Variants in NLGN1 observed in about 807,000 individuals in gnomAD.
NLGN1 encodes the protein neuroligin 1.
Under a neutral mutation model 65.5 loss-of-function variants are expected in NLGN1, and 12 were observed. The ratio of observed to expected loss-of-function variants is 0.18; its 90% CI spans 0.12 to 0.30. NLGN1 has a LOEUF of 0.30. Ranked by LOEUF, NLGN1 falls within the 10% of genes least tolerant of loss-of-function variation. The pLI is 1.00. For synonymous variants in NLGN1, 350 were observed against 359.5 expected (o/e 0.97, Z 0.30); for missense variants, 750 against 1,007.1 (o/e 0.74, Z 3.46).
intron 4 of NLGN1, among the ~76,000 whole-genome samples, chr3:174,036,950 G>T (rs1731268767): frequency 6.6e-6 from 1 of 152,140 alleles, no homozygotes; most frequent in African/African-American, 2.4e-5. Context: ...TTTTATGTCT[G>T]CATAGTATTC....
chr3:173,818,614 G>GA (rs1206590110), intron 4 of NLGN1, among the ~76,000 whole-genome samples: 2 of 152,112 alleles, frequency 1.3e-5, no homozygotes, highest in Non-Finnish European at 2.9e-5. Flanking sequence ...AATACACAGG[G>GA]AAAATATCCC....
chr3:174,022,382 T>A (rs1189278745), intron 4 of NLGN1, among the ~76,000 whole-genome samples: 1 of 152,150 alleles, frequency 6.6e-6, no homozygotes, highest in African/African-American at 2.4e-5. Context: ...ATCTTGGCTC[T>A]TGGTAATGAG....
intron 2 of NLGN1, among the ~76,000 whole-genome samples, chr3:173,581,824 A>C (rs1464163957): frequency 6.6e-6 from 1 of 152,010 alleles, no homozygotes; most frequent in Non-Finnish European, 1.5e-5. Context: ...TTTTAATAAA[A>C]TATTTAAAGC....
At chr3:173,959,496 C>T (rs1429817311) in intron 4 of NLGN1, among the ~76,000 whole-genome samples, 2 of 152,110 alleles carry the variant, frequency 1.3e-5, no homozygotes, top group African/African-American at 4.8e-5. Flanking sequence ...GCTTCTTGTA[C>T]CCTAACTTTC....
chr3:174,014,527 T>G (rs1027465579), intron 4 of NLGN1, among the ~76,000 whole-genome samples: 4 of 152,226 alleles, frequency 2.6e-5, no homozygotes, highest in Admixed American at 2.0e-4. Context: ...TGCCACATTC[T>G]TCTATTAAAT....
intron 1 of NLGN1, among the ~76,000 whole-genome samples, chr3:173,406,056 A>G (rs932381875): frequency 1.3e-5 from 2 of 152,160 alleles, no homozygotes; most frequent in Admixed American, 1.3e-4. Flanking sequence ...TATCATATAT[A>G]GCTTTAATAT....
chr3:173,813,242 A>G (rs967682264), intron 4 of NLGN1, among the ~76,000 whole-genome samples: 1 of 152,176 alleles, frequency 6.6e-6, no homozygotes, highest in African/African-American at 2.4e-5. Flanking sequence ...ACTCCTGTTT[A>G]TTGAATTGTT....
intron 4 of NLGN1, among the ~76,000 whole-genome samples, chr3:174,156,139 C>A (rs773688366): frequency 2.0e-5 from 3 of 151,874 alleles, no homozygotes; most frequent in Non-Finnish European, 4.4e-5. Flanking sequence ...TATAACATCA[C>A]GCCCTGCTTC....
At chr3:174,193,569 C>T (rs897662909) in intron 4 of NLGN1, among the ~76,000 whole-genome samples, 1 of 152,186 alleles carries the variant, frequency 6.6e-6, no homozygotes, top group Non-Finnish European at 1.5e-5. Context: ...CATTGATCTT[C>T]GTCCTGTGCC....
intron 3 of NLGN1, among the ~76,000 whole-genome samples, chr3:173,632,849 G>GTTTTTTTTTTTTTTTTTTTTTT (rs5854526): frequency 6.0e-5 from 7 of 116,396 alleles, no homozygotes; most frequent in South Asian, 3.0e-4. Context: ...TTTTTTTTTT[G>GTTTTTTTTTTTTTTTTTTTTTT]TTTTTTTTTT....
intron 4 of NLGN1, among the ~76,000 whole-genome samples, chr3:173,939,827 G>A (rs1745694099): frequency 6.6e-6 from 1 of 151,902 alleles, no homozygotes; most frequent in African/African-American, 2.4e-5. Context: ...CCTCGCTGAT[G>A]CCTAAAATAT....
chr3:173,936,599 G>A (rs1745115645), intron 4 of NLGN1, among the ~76,000 whole-genome samples: 1 of 152,026 alleles, frequency 6.6e-6, no homozygotes, highest in South Asian at 2.1e-4. Flanking sequence ...AACTGAAAGG[G>A]TGCCACAAGA....
At chr3:173,708,821 A>G (rs926606198) in intron 3 of NLGN1, among the ~76,000 whole-genome samples, 16 of 152,218 alleles carry the variant, frequency 1.1e-4, no homozygotes, top group African/African-American at 3.9e-4. Context: ...TGGCTGAAAT[A>G]TATCAGTGAT....
chr3:174,033,848 T>C (rs1423606347), intron 4 of NLGN1, among the ~76,000 whole-genome samples: 1 of 151,978 alleles, frequency 6.6e-6, no homozygotes, highest in Non-Finnish European at 1.5e-5. Flanking sequence ...ATTGTAATAA[T>C]AGAAAGGGAA....
At chr3:174,261,019 G>C (rs1223045081) in intron 4 of NLGN1, among the ~76,000 whole-genome samples, 1 of 151,904 alleles carries the variant, frequency 6.6e-6, no homozygotes, top group Admixed American at 6.6e-5. Context: ...ATTTCTTAGG[G>C]CTCTGTTCTG....
At chr3:174,199,747 A>G (rs1019843245) in intron 4 of NLGN1, among the ~76,000 whole-genome samples, 3 of 152,320 alleles carry the variant, frequency 2.0e-5, no homozygotes, top group African/African-American at 4.8e-5. Context: ...TCAGGTTAGA[A>G]TGGCATTTAT....
intron 4 of NLGN1, among the ~76,000 whole-genome samples, chr3:173,851,215 C>A (rs1369398529): frequency 6.6e-6 from 1 of 152,108 alleles, no homozygotes; most frequent in Admixed American, 6.6e-5. Context: ...TAGAACATTT[C>A]ATCAAATCTA....
At chr3:174,119,763 C>A (rs1014036492) in intron 4 of NLGN1, among the ~76,000 whole-genome samples, 1 of 152,184 alleles carries the variant, frequency 6.6e-6, no homozygotes, top group Non-Finnish European at 1.5e-5. Context: ...TCCCAACTAA[C>A]TTCTGTAGAA....
At chr3:173,451,222 G>A (rs569155253) in intron 2 of NLGN1, among the ~76,000 whole-genome samples, 11 of 152,122 alleles carry the variant, frequency 7.2e-5, no homozygotes, top group Non-Finnish European at 1.5e-4. Flanking sequence ...TGATCGTGAC[G>A]TACAGATGGG....
Sources: allele counts gnomAD v4.1 joint callset (sites outside exome capture counted in the v4.1 genomes callset), GRCh38; gene constraint gnomAD v4.1.1; transcripts MANE v1.5; gene names NCBI Gene and HGNC (gene_info 2026-07-23, HGNC 2026-07-21).